The following IRAK1BP1 variants were observed in gnomAD, a reference collection of about 807,000 sequenced individuals.
IRAK1BP1 encodes the protein interleukin 1 receptor associated kinase 1 binding protein 1.
Under a neutral mutation model 28.0 loss-of-function variants are expected in IRAK1BP1, and 24 were observed. The observed-to-expected ratio is 0.86, with a 90% CI of 0.62 to 1.20. The LOEUF (loss-of-function observed/expected upper bound fraction) is 1.20. Among genes scored for constraint, IRAK1BP1 ranks in the 50% most tolerant of loss-of-function variants. IRAK1BP1 has a pLI of 0.00. For missense variants in IRAK1BP1, 336 were observed against 316.7 expected (o/e 1.06, Z -0.46); for synonymous variants, 131 against 116.3 (o/e 1.13, Z -0.81).
At chr6:78,946,346 T>C in exon 5 of IRAK1BP1, 4 of 1,437,054 alleles carry the variant, frequency 2.8e-6, no homozygotes, top group Non-Finnish European at 3.7e-6. Context: ...ATTCAATATT[T>C]GTACTATTAT....
At chr6:78,970,650 G>C in the IRAK1BP1 span, 8 of 629,994 alleles carry the variant, frequency 1.3e-5, no homozygotes, top group Admixed American at 3.2e-5. Context: ...TACTCTCTAG[G>C]ACTGCTTCAA....
rs1045466737 is a variant in IRAK1BP1, at chr6:78,871,525, A to G, written c.315+3634A>G. 5 of 985,316 alleles carry G rather than the reference A, an allele frequency of 5.1e-6. No homozygotes were observed. The African/African-American group carries it at 7.0e-5, about 14-fold the overall frequency. The allele number at this position is 985,316 out of a possible 1,614,324, so 61.0% of individuals were successfully genotyped here. ...AGCAGACGAGAACTTACCTTACATC[A>G]TGACACATCAAGGCATATAGTTCTT... is the stretch of plus-strand genomic sequence containing the variant. On this transcript the variant is annotated intron_variant, in intron 1 of 3. Transcript: ENST00000369940.
chr6:78,957,394 C>CA, the IRAK1BP1 span: 1 of 151,760 alleles, frequency 6.6e-6, no homozygotes, highest in Admixed American at 6.6e-5. Context: ...TAATAGCCCC[C>CA]AAACCATTGG....
rs534468356 is a variant in IRAK1BP1, at chr6:78,930,703, G to A, written c.*68-14705G>A. 3.1e-3 allele frequency among the ~76,000 whole-genome samples: 476 copies of A among 152,136 alleles called. 3 individuals are homozygous for A. The highest frequency in any genetic ancestry group is 0.011 in the African/African-American group (441 of 41,514). ...CCAGCACACTTTGAGAGGCCGAGGCGGGCGGATCACCTGAGGTCAGGAGTT... is the reference window on the plus strand; with the variant it reads ...CCAGCACACTTTGAGAGGCCGAGGCAGGCGGATCACCTGAGGTCAGGAGTT... On this transcript the variant is annotated intron_variant and NMD_transcript_variant, in intron 4 of 4. Transcript: ENST00000606868.
At chr6:78,907,082 T>G (rs1772281071), downstream of IRAK1BP1, among the ~76,000 whole-genome samples, 1 of 152,158 alleles carries the variant, frequency 6.6e-6, no homozygotes, top group Admixed American at 6.5e-5. Context: ...CTACACTATT[T>G]GTACACAACT....
chr6:78,952,106 C>G, the IRAK1BP1 span, among the ~76,000 whole-genome samples: 1 of 152,064 alleles, frequency 6.6e-6, no homozygotes, highest in African/African-American at 2.4e-5. Flanking sequence ...CATAGCTTCT[C>G]AAATGTTTAC....
intron 1 of IRAK1BP1, among the ~76,000 whole-genome samples, chr6:78,873,280 A>AAG (rs1770858831): frequency 6.6e-6 from 1 of 150,688 alleles, no homozygotes; most frequent in African/African-American, 2.4e-5. Context: ...AAAAAAAAAA[A>AAG]AGATTGTAAA....
At chr6:78,949,715 G>A (rs550932378), downstream of IRAK1BP1, among the ~76,000 whole-genome samples, 1 of 151,716 alleles carries the variant, frequency 6.6e-6, no homozygotes, top group South Asian at 2.1e-4. Flanking sequence ...AATGAGATAG[G>A]GTCTCACTCT....
chr6:78,944,525 T>C (rs1773696385), intron 4 of IRAK1BP1, among the ~76,000 whole-genome samples: 1 of 152,032 alleles, frequency 6.6e-6, no homozygotes, highest in Non-Finnish European at 1.5e-5. Context: ...AGAATAGATT[T>C]AAGAGATGTT....
the IRAK1BP1 span, among the ~76,000 whole-genome samples, chr6:78,969,479 A>G: frequency 3.9e-5 from 6 of 152,212 alleles, no homozygotes; most frequent in African/African-American, 1.4e-4. Flanking sequence ...TAAAAGAAAA[A>G]TGTCAGTTTA....
chr6:78,974,036 T>A, the IRAK1BP1 span, among the ~76,000 whole-genome samples: 6 of 152,302 alleles, frequency 3.9e-5, no homozygotes, highest in African/African-American at 1.4e-4. Context: ...CTAATAGACT[T>A]CTGCAGAACT....
downstream of IRAK1BP1, among the ~76,000 whole-genome samples, chr6:78,905,757 A>G (rs529967530): frequency 5.1e-4 from 78 of 152,248 alleles, no homozygotes; most frequent in Non-Finnish European, 9.1e-4. Flanking sequence ...ACATGCTACC[A>G]TGCCTGGCTA....
In IRAK1BP1 at chr6:78,910,634, C is replaced by T. The variant is rs570383816; in HGVS notation, c.*67+7524C>T. 4.0e-4 allele frequency among the ~76,000 whole-genome samples: 61 copies of T among 152,386 alleles called. 1 individual carries two copies. The highest frequency in any genetic ancestry group is 3.0e-3 in the Admixed American group (46 of 15,310). ...AAGCCCGGGCAGAAGGGCGCATTCT[C>T]GGCGCGGAGGGCGGAGCCTTTCCTG... is the stretch of plus-strand genomic sequence containing the variant. On this transcript the variant is annotated intron_variant and NMD_transcript_variant, in intron 4 of 4. Coordinates refer to the IRAK1BP1 transcript ENST00000606868.
At chr6:78,871,411 A>G (rs1770787377) in intron 1 of IRAK1BP1, 2 of 985,374 alleles carry the variant, frequency 2.0e-6, no homozygotes, top group South Asian at 9.4e-5. Context: ...ACACAGTGCA[A>G]CCAAAAGACA....
the IRAK1BP1 span, among the ~76,000 whole-genome samples, chr6:78,961,421 C>T: frequency 6.6e-6 from 1 of 151,772 alleles, no homozygotes; most frequent in Non-Finnish European, 1.5e-5. Context: ...ATCATGTCAG[C>T]CTCTAGGAAA....
the IRAK1BP1 span, among the ~76,000 whole-genome samples, chr6:78,968,907 C>G: frequency 6.6e-6 from 1 of 152,194 alleles, no homozygotes; most frequent in Admixed American, 6.5e-5. Flanking sequence ...AGACTTTCCT[C>G]TTGAAGGAGA....
At chr6:78,904,054 A>G (rs148208067), downstream of IRAK1BP1, among the ~76,000 whole-genome samples, 440 of 152,326 alleles carry the variant, frequency 2.9e-3, no homozygotes, top group African/African-American at 5.3e-3. Context: ...ATCGTGCTTT[A>G]TTCTCAAATA....
At chr6:78,972,337 C>A in the IRAK1BP1 span, among the ~76,000 whole-genome samples, 1 of 152,278 alleles carries the variant, frequency 6.6e-6, no homozygotes, top group South Asian at 2.1e-4. Flanking sequence ...AGAAGGAAAA[C>A]TAACAAACAG....
chr6:78,973,879 G>C, the IRAK1BP1 span, among the ~76,000 whole-genome samples: 1 of 151,656 alleles, frequency 6.6e-6, no homozygotes. Context: ...CATAAAGCAA[G>C]TCTTGAGTGA....
Sources: allele counts gnomAD v4.1 joint callset (sites outside exome capture counted in the v4.1 genomes callset), GRCh38; gene constraint gnomAD v4.1.1; transcripts MANE v1.5; gene names NCBI Gene and HGNC (gene_info 2026-07-23, HGNC 2026-07-21).